The following HYDIN variants were observed in gnomAD, a reference collection of about 807,000 sequenced individuals.
HYDIN encodes axonemal central pair apparatus protein HYDIN.
In HYDIN, 132 loss-of-function variants were observed where a neutral mutation model predicts 403.9. The observed-to-expected ratio is 0.33, with a 90% CI of 0.28 to 0.38. The LOEUF (loss-of-function observed/expected upper bound fraction) is 0.38, where lower values mean the gene tolerates loss of function less well. Ranked by LOEUF, HYDIN falls within the 10% of genes least tolerant of loss-of-function variation. The probability of loss-of-function intolerance (pLI) is 1.00; values close to 1 mark genes in which losing one functional copy is unlikely to be tolerated. For missense variants in HYDIN, 2,827 were observed against 5,009.5 expected (o/e 0.56, Z 13.15); for synonymous variants, 1,202 against 1,891.7 (o/e 0.64, Z 9.46).
chr16:71,120,076 G>A (rs1240319468), intron 9 of HYDIN, among the ~76,000 whole-genome samples: 3 of 151,564 alleles, frequency 2.0e-5, no homozygotes, highest in African/African-American at 4.9e-5. Flanking sequence ...ACGGATCCGC[G>A]TCCCCCATTC....
At chr16:70,844,760 A>C (rs2038082512) in intron 75 of HYDIN, among the ~76,000 whole-genome samples, 1 of 140,528 alleles carries the variant, frequency 7.1e-6, no homozygotes, top group Non-Finnish European at 1.5e-5. Context: ...GGTCCTTCAC[A>C]TCCCTTGTAA....
chr16:71,053,381 G>A (rs2081733967), intron 18 of HYDIN, among the ~76,000 whole-genome samples: 2 of 152,244 alleles, frequency 1.3e-5, no homozygotes, highest in African/African-American at 2.4e-5. Flanking sequence ...AAGGAGACAA[G>A]TATTCTGTTC....
chr16:71,061,861 AGTGTGTGTGTGTGT>A (rs66689823), intron 17 of HYDIN, among the ~76,000 whole-genome samples: 38 of 144,088 alleles, frequency 2.6e-4, no homozygotes, highest in South Asian at 1.4e-3. Flanking sequence ...CATGTGTGAC[AGTGTGTGTGTGTGT>A]GTGTGTGTGT....
intron 1 of HYDIN, among the ~76,000 whole-genome samples, chr16:71,224,225 T>A (rs963818662): frequency 2.0e-5 from 3 of 152,152 alleles, no homozygotes; most frequent in South Asian, 2.1e-4. Context: ...TTCTCCCTTA[T>A]AAGTGGGAGC....
At chr16:71,102,978 T>C (rs1289079247) in intron 10 of HYDIN, among the ~76,000 whole-genome samples, 1 of 151,226 alleles carries the variant, frequency 6.6e-6, no homozygotes, top group African/African-American at 2.4e-5. Context: ...TTAAGCATTA[T>C]AGAGGTAATT....
In HYDIN at chr16:70,882,669, G is replaced by C; in HGVS notation, c.10206C>G (p.Ile3402Met). Residue 3402 changes from isoleucine to methionine, a missense_variant, in exon 60 of 86, where the codon ATC becomes ATG. Ile to Met is a conservative substitution (Grantham distance 10, BLOSUM62 1). Coordinates refer to ENST00000393567, the MANE Select transcript of HYDIN (RefSeq NM_001270974.2). ...TCDVNIVVRP[I>M]SNKPFARIVD... is the part of the protein sequence containing the mutation. ...ATTGGGAGCGTCTTACCTTATTGGA[G>C]ATAGGCCTGACTACAATGTTGACAT... 6.7e-7 allele frequency: 1 copy of C among 1,483,038 alleles called. No homozygotes were observed. Among genetic ancestry groups the C allele is most frequent in the South Asian group, 1.1e-5 (1 of 87,828 alleles). 91.9% of individuals were successfully genotyped at this position (1,483,038 alleles called of 1,614,324 possible). A position where few individuals can be genotyped will look rare whatever the true frequency, so the allele number is the denominator to read the frequency against.
chr16:71,050,754 AATAC>A (rs1437281869), intron 18 of HYDIN, among the ~76,000 whole-genome samples: 5 of 152,042 alleles, frequency 3.3e-5, no homozygotes, highest in African/African-American at 1.2e-4. Context: ...ATTTTTTACC[AATAC>A]ATTTGCAAAC....
In HYDIN at chr16:71,119,641, C is replaced by A. The variant is rs935675323; in HGVS notation, c.1228-3846G>T. Among the ~76,000 whole-genome samples, 6 of 152,150 alleles carry A rather than the reference C, an allele frequency of 3.9e-5. No homozygotes were observed. The South Asian group carries it at 8.3e-4, about 21-fold the overall frequency. On this transcript the variant is annotated intron_variant, in intron 9 of 85. Transcript: ENST00000393567. Reference sequence around the variant, plus strand: ...GACGGTTGTGTGTACCTGAAAACAGCGTGCTCATTCGGTTTCCTCTCACAG... The same window carrying A: ...GACGGTTGTGTGTACCTGAAAACAGAGTGCTCATTCGGTTTCCTCTCACAG...
intron 21 of HYDIN, among the ~76,000 whole-genome samples, chr16:71,021,722 G>A (rs1241147200): frequency 2.6e-5 from 4 of 152,110 alleles, no homozygotes; most frequent in Non-Finnish European, 4.4e-5. Context: ...CATCCCCTGG[G>A]TCTTCTGACA....
intron 1 of HYDIN, among the ~76,000 whole-genome samples, chr16:71,201,775 C>A (rs1455008768): frequency 6.6e-6 from 1 of 152,212 alleles, no homozygotes; most frequent in Non-Finnish European, 1.5e-5. Context: ...ATTCTTAGAT[C>A]CAGCCACGAA....
chr16:70,810,602 C>T lies in HYDIN; in HGVS notation c.14659-595G>A, dbSNP rs543913438. Among the ~76,000 whole-genome samples the T allele has an allele frequency of 3.9e-5, 6 of 152,200 alleles. No homozygotes were observed. In the East Asian group the frequency reaches 9.7e-4, roughly 25 times the overall value. ...ATCCTAGCACTTTGGGAGGCTGAGG[C>T]GGGTGGATCACAAGGTCAGGAGTTC... is the stretch of plus-strand genomic sequence containing the variant. On this transcript the variant is annotated intron_variant, in intron 84 of 85. Coordinates refer to ENST00000393567, the MANE Select transcript of HYDIN (RefSeq NM_001270974.2).
chr16:71,226,629 C>T (rs1364849119), intron 1 of HYDIN, among the ~76,000 whole-genome samples: 1 of 152,160 alleles, frequency 6.6e-6, no homozygotes, highest in South Asian at 2.1e-4. Context: ...TTGAAACCAG[C>T]CCAATTTCCT....
intron 1 of HYDIN, among the ~76,000 whole-genome samples, chr16:71,226,936 C>A (rs149885675): frequency 9.2e-5 from 14 of 152,240 alleles, no homozygotes; most frequent in Admixed American, 2.6e-4. Flanking sequence ...ATCTCCACAG[C>A]TGCAGCACCC....
intron 43 of HYDIN, among the ~76,000 whole-genome samples, chr16:70,939,482 G>A (rs1478889891): frequency 6.6e-6 from 1 of 151,988 alleles, no homozygotes; most frequent in Non-Finnish European, 1.5e-5. Context: ...ATGTCCTAAG[G>A]TAGCATACTG....
At chr16:70,886,917 GTC>G (rs1249808995) in intron 58 of HYDIN, among the ~76,000 whole-genome samples, 2 of 152,002 alleles carry the variant, frequency 1.3e-5, no homozygotes, top group African/African-American at 4.8e-5. Flanking sequence ...AGATTCTTGA[GTC>G]TGTAGGTTTA....
chr16:70,931,075 G>A (rs2077306402), intron 45 of HYDIN, among the ~76,000 whole-genome samples: 1 of 151,904 alleles, frequency 6.6e-6, no homozygotes, highest in Non-Finnish European at 1.5e-5. Context: ...AGAACCAAGT[G>A]GAAATTTTAG....
At chr16:71,056,251 A>C (rs2081888987) in intron 18 of HYDIN, among the ~76,000 whole-genome samples, 1 of 151,926 alleles carries the variant, frequency 6.6e-6, no homozygotes, top group Non-Finnish European at 1.5e-5. Flanking sequence ...ATTCCAAAGC[A>C]AAGGAGAGTC....
intron 3 of HYDIN, among the ~76,000 whole-genome samples, chr16:71,181,961 G>A (rs1053164472): frequency 1.3e-5 from 2 of 152,200 alleles, no homozygotes; most frequent in African/African-American, 4.8e-5. Flanking sequence ...TGCTCTTTTA[G>A]ATAGGCAGTC....
rs2040666245 is a variant in HYDIN at position 70,879,714 on chromosome 16, T to G, written c.10258A>C (p.Lys3420Gln). 9 of 1,412,816 alleles carry G rather than the reference T, an allele frequency of 6.4e-6. No individual in the cohort carries two copies. The East Asian group carries it at 2.1e-4, about 33-fold the overall frequency. The allele number at this position is 1,412,816 out of a possible 1,614,324, so 87.5% of individuals were successfully genotyped here. A position where few individuals can be genotyped will look rare whatever the true frequency, so the allele number is the denominator to read the frequency against. ...TGGGAATGACTGGCAATGCACATCT[T>G]GCTGGGTTCCACTTCAAAAATGTCG... Reference protein sequence around the residue: ...IVDIFEVEPSKMCIASHSHAF... With the variant: ...IVDIFEVEPSQMCIASHSHAF... The change falls in exon 61 of 86, where the codon AAG becomes CAG. Residue 3420 changes from lysine (K) to glutamine (Q), a missense_variant. Transcript: ENST00000393567.
Sources: gnomAD v4.1 joint callset for allele counts (sites outside exome capture counted in the v4.1 genomes callset) on GRCh38, gnomAD v4.1.1 for gene constraint, MANE v1.5 for transcripts, NCBI Gene and HGNC (gene_info 2026-07-23, HGNC 2026-07-21) for gene names.